The following EEF1A2 variants were observed in gnomAD, a reference collection of about 807,000 sequenced individuals.
The protein encoded by EEF1A2 is elongation factor 1-alpha 2.
A neutral mutation model predicts 39.3 loss-of-function variants in EEF1A2; 5 were observed. The ratio of observed to expected loss-of-function variants is 0.13; its 90% CI spans 0.07 to 0.27. The LOEUF (loss-of-function observed/expected upper bound fraction) is 0.27. Among genes scored for constraint, EEF1A2 ranks in the 10% least tolerant of loss-of-function variants. The probability of loss-of-function intolerance (pLI) is 1.00; values close to 1 mark genes in which losing one functional copy is unlikely to be tolerated. For synonymous variants in EEF1A2, 287 were observed against 293.7 expected (o/e 0.98, Z 0.23); for missense variants, 218 against 681.4 (o/e 0.32, Z 7.57).
In EEF1A2 at chr20:63,497,459, C is replaced by A. The variant is rs1023781514; in HGVS notation, c.144+161G>T. 1 of 1,180,654 alleles carries A rather than the reference C, an allele frequency of 8.5e-7. No individual in the cohort carries two copies. The highest frequency in any genetic ancestry group is 1.2e-6 in the Non-Finnish European group (1 of 862,912). 73.1% of individuals were successfully genotyped at this position (1,180,654 alleles called of 1,614,324 possible). The stretch of plus-strand genomic sequence containing the variant: ...CCCCCTAAGAGAGAGGCTGCCCCAC[C>A]AGACCCTCTGAGGCCTGAGTGCCCC... On this transcript the variant is annotated intron_variant, in intron 2 of 7. Transcript: ENST00000217182. The surrounding 1 kb of genome is among the most constrained non-coding windows in gnomAD (Gnocchi z 7.3).
chr20:63,489,691 G>A (rs1173220036), intron 6 of EEF1A2, among the ~76,000 whole-genome samples: 1 of 152,116 alleles, frequency 6.6e-6, no homozygotes, highest in Non-Finnish European at 1.5e-5. Context: ...GCTGAGGCAG[G>A]AGAATCACTT....
chr20:63,497,695 G>T lies in EEF1A2; in HGVS notation c.69C>A (p.Thr23=), dbSNP rs772120286. 6 of 1,612,914 alleles carry T rather than the reference G, an allele frequency of 3.7e-6. No homozygotes were observed. The East Asian group carries it at 1.3e-4, about 36-fold the overall frequency. The part of the protein sequence containing the change: ...IGHVDSGKST[T]TGHLIYKCGG... ...CGCATTTGTAGATGAGGTGGCCCGT[G>T]GTGGTGGACTTTCCGGAGTCCACGT... Residue 23 remains threonine (T), a synonymous_variant, in exon 2 of 8, where the codon ACC becomes ACA. Coordinates refer to ENST00000217182, the MANE Select transcript of EEF1A2 (RefSeq NM_001958.5). This position sits in a 1 kb window ranked among gnomAD's most constrained non-coding sequence, Gnocchi z 7.3.
chr20:63,496,198 G>T, intron 2 of EEF1A2, 163 bp from the exon 3 acceptor site: 1 of 831,282 alleles, frequency 1.2e-6, no homozygotes, highest in Non-Finnish European at 1.8e-6. Flanking sequence ...CCCTCCGTCG[G>T]GACCCCACAC....
rs1294825298 is a variant in EEF1A2 at position 63,491,999 on chromosome 20, TGGATGAG to T, written c.772+1131_772+1137del. Among the ~76,000 whole-genome samples, 32 of 88,304 alleles carry T rather than the reference TGGATGAG, an allele frequency of 3.6e-4. 1 individual carries two copies. Among genetic ancestry groups the T allele is most frequent in the African/African-American group, 1.5e-3 (29 of 18,826 alleles). 57.9% of individuals were successfully genotyped at this position (88,304 alleles called of 152,430 possible). ...ATGGATGGATGGATGGATGGATGGA[TGGATGAG>T]GAGATGAACGGATGGATGAGATGGA... On this transcript the variant is annotated intron_variant, in intron 5 of 7. Coordinates refer to ENST00000217182, the MANE Select transcript of EEF1A2 (RefSeq NM_001958.5).
intron 4 of EEF1A2, among the ~76,000 whole-genome samples, chr20:63,493,748 C>G (rs1006778333): frequency 2.6e-5 from 4 of 152,228 alleles, no homozygotes; most frequent in African/African-American, 9.6e-5. Context: ...CCAGCCTTGT[C>G]CGGAGCTTCT....
chr20:63,493,387 A>T, intron 4 of EEF1A2, 100 bp from the exon 5 acceptor site: 1 of 1,368,292 alleles, frequency 7.3e-7, no homozygotes, highest in Non-Finnish European at 9.6e-7. Flanking sequence ...TGTTCAGGCT[A>T]AACTTGCCTC....
chr20:63,491,365 A>C (rs890068955), intron 5 of EEF1A2, among the ~76,000 whole-genome samples: 1 of 152,206 alleles, frequency 6.6e-6, no homozygotes, highest in African/African-American at 2.4e-5. Context: ...TGCAGCTGCC[A>C]CATGGGGGTC....
At chr20:63,493,507 G>A (rs2082401609) in intron 4 of EEF1A2, among the ~76,000 whole-genome samples, 1 of 152,124 alleles carries the variant, frequency 6.6e-6, no homozygotes, top group Non-Finnish European at 1.5e-5. Context: ...AGGACAAAGA[G>A]GGAAAGCACC....
rs377239518 is a variant in EEF1A2, at chr20:63,490,593, G to A, written c.915C>T (p.Gly305=). The stretch of plus-strand genomic sequence containing the variant: ...TCTTCACATTGAAGCCGACGTTGTC[G>A]CCGGGCAGAGCTTCGCTCAGAGCCT... ...HHEALSEALP[G]DNVGFNVKNV... is the part of the protein sequence containing the mutation. The change falls in exon 6 of 8, where the codon GGC becomes GGT. Residue 305 remains glycine (G), a synonymous_variant. Transcript: ENST00000217182. 9.9e-6 allele frequency: 16 copies of A among 1,612,670 alleles called. No homozygotes were observed. Among genetic ancestry groups the A allele is most frequent in the South Asian group, 4.4e-5 (4 of 91,092 alleles).
intron 5 of EEF1A2, 71 bp from the exon 6 acceptor site, chr20:63,490,806 G>T: frequency 6.6e-7 from 1 of 1,523,422 alleles, no homozygotes; most frequent in Non-Finnish European, 8.8e-7. Context: ...TTCGGGGACA[G>T]AGCCTGGAAA....
chr20:63,489,069 C>T lies in EEF1A2; in HGVS notation c.1113G>A (p.Lys371=). ...CAATCTTCTCCTTCAGCTCCGCAAA[C>T]TTGCAGGCGATGTGGGCTGTGTGGC... The part of the protein sequence containing the change: ...IDCHTAHIAC[K]FAELKEKIDR... Residue 371 remains lysine, a synonymous_variant, in exon 7 of 8, where the codon AAG becomes AAA. Transcript: ENST00000217182. 1.2e-6 allele frequency: 2 copies of T among 1,612,814 alleles called. No homozygotes were observed. Among genetic ancestry groups the T allele is most frequent in the Non-Finnish European group, 1.7e-6 (2 of 1,179,950 alleles).
Position 63,497,296 on chromosome 20 carries a change from A to C in EEF1A2, c.144+324T>G. 13 of 237,448 alleles carry C rather than the reference A, an allele frequency of 5.5e-5. No homozygotes were observed. Among genetic ancestry groups the C allele is most frequent in the East Asian group, 1.1e-4 (1 of 9,432 alleles). The allele number at this position is 237,448 out of a possible 1,614,324, so 14.7% of individuals were successfully genotyped here. On this transcript the variant is annotated intron_variant, in intron 2 of 7. Coordinates refer to ENST00000217182, the MANE Select transcript of EEF1A2 (RefSeq NM_001958.5). The surrounding 1 kb of genome is among the most constrained non-coding windows in gnomAD (Gnocchi z 7.3). ...AGCCCCAGCCTTGGCCCTGGGGGGA[A>C]GGGGGTAAGGCTCCAGCGCCCTCCA...
chr20:63,491,767 T>C (rs1216209704), intron 5 of EEF1A2, among the ~76,000 whole-genome samples: 2 of 143,274 alleles, frequency 1.4e-5, no homozygotes, highest in East Asian at 2.2e-4. Context: ...GATGGATTGG[T>C]GGATGGATGG....
intron 6 of EEF1A2, 127 bp from the exon 7 acceptor site, chr20:63,489,279 G>A: frequency 1.1e-6 from 1 of 883,190 alleles, no homozygotes. Flanking sequence ...AGTGCTGACT[G>A]GAGGGGGCTC....
chr20:63,497,501 C>T lies in EEF1A2; in HGVS notation c.144+119G>A, dbSNP rs901574087. ...GAGTGCCCCACAGCGGGGGTCCCTC[C>T]TGCCCTGGAGGAGGTCACCTGAGCC... is the stretch of plus-strand genomic sequence containing the variant. On this transcript the variant is annotated intron_variant, in intron 2 of 7. Transcript: ENST00000217182. This position sits in a 1 kb window ranked among gnomAD's most constrained non-coding sequence, Gnocchi z 7.3. 1 of 1,481,612 alleles carries T rather than the reference C, an allele frequency of 6.7e-7. No homozygotes were observed. Among genetic ancestry groups the T allele is most frequent in the African/African-American group, 1.4e-5 (1 of 70,744 alleles). 91.8% of individuals were successfully genotyped at this position (1,481,612 alleles called of 1,614,324 possible).
intron 6 of EEF1A2, among the ~76,000 whole-genome samples, chr20:63,489,830 A>G (rs571398053): frequency 3.3e-5 from 5 of 152,360 alleles, no homozygotes; most frequent in Admixed American, 6.5e-5. Context: ...AAGAGGGGCA[A>G]TGAAGACTGT....
At chr20:63,489,623 T>C (rs2082369115) in intron 6 of EEF1A2, among the ~76,000 whole-genome samples, 1 of 151,968 alleles carries the variant, frequency 6.6e-6, no homozygotes, top group South Asian at 2.1e-4. Flanking sequence ...TATCTACTAA[T>C]AATACAAAAA....
chr20:63,488,264 C>G lies in EEF1A2; in HGVS notation c.*34G>C, dbSNP rs1260940479. On this transcript the variant is annotated 3_prime_UTR_variant, in exon 8 of 8. Coordinates refer to ENST00000217182, the MANE Select transcript of EEF1A2 (RefSeq NM_001958.5). ...GGGCCCGGGGTTCGGAGCGCGGCAC[C>G]GCCGGGGAGGGTCGCGCCGCGGGCG... 2.8e-6 allele frequency: 3 copies of G among 1,053,614 alleles called. No homozygotes were observed. 65.3% of individuals were successfully genotyped at this position (1,053,614 alleles called of 1,614,324 possible).
intron 3 of EEF1A2, 29 bp downstream of exon 3, chr20:63,495,827 C>T (rs1312289276): frequency 1.2e-6 from 2 of 1,609,444 alleles, no homozygotes; most frequent in Non-Finnish European, 8.5e-7. Context: ...CGGCCTCTCC[C>T]CCAGCCCCGC....
Sources: gnomAD v4.1 joint callset for allele counts (sites outside exome capture counted in the v4.1 genomes callset) on GRCh38, gnomAD v4.1.1 for gene constraint, Gnocchi (gnomAD v3.1) non-coding constraint, MANE v1.5 for transcripts, NCBI Gene and HGNC (gene_info 2026-07-23, HGNC 2026-07-21) for gene names.